MARK4: variants seen among roughly 807,000 people sequenced by gnomAD.
MARK4 encodes the protein MAP/microtubule affinity-regulating kinase 4.
Under a neutral mutation model 81.5 loss-of-function variants are expected in MARK4, and 19 were observed. That is an observed-to-expected ratio of 0.23 (90% confidence interval 0.16 to 0.34). MARK4 has a LOEUF of 0.34. MARK4 is among the 10% of genes least tolerant of loss of function. The probability of loss-of-function intolerance (pLI) is 1.00; values close to 1 mark genes in which losing one functional copy is unlikely to be tolerated. For synonymous variants in MARK4, 436 were observed against 439.0 expected (o/e 0.99, Z 0.08); for missense variants, 772 against 1,058.8 (o/e 0.73, Z 3.76).
At chr19:45,252,631 C>T (rs1322351448) in intron 1 of MARK4, among the ~76,000 whole-genome samples, 1 of 152,108 alleles carries the variant, frequency 6.6e-6, no homozygotes, top group Non-Finnish European at 1.5e-5. Context: ...GCTTCAGAGG[C>T]CTTCCTCAGC....
chr19:45,258,178 G>A (rs1199320881), intron 1 of MARK4, among the ~76,000 whole-genome samples: 2 of 151,036 alleles, frequency 1.3e-5, no homozygotes, highest in Non-Finnish European at 3.0e-5. Flanking sequence ...TAGAGATGGG[G>A]TTTTCACCAT....
Position 45,302,755 on chromosome 19 carries a change from C to T in MARK4, c.*45C>T. ...CCTTACTCTTCCTCTCCCTTGTCGC[C>T]TTCACTTCTACAGGAGGGGAAGGGG... On this transcript the variant is annotated 3_prime_UTR_variant, in exon 17 of 17. Coordinates refer to ENST00000262891, the MANE Select transcript of MARK4 (RefSeq NM_001199867.2). This position sits in a 1 kb window ranked among gnomAD's most constrained non-coding sequence, Gnocchi z 4.9. 1 of 1,533,292 alleles carries T rather than the reference C, an allele frequency of 6.5e-7. No homozygotes were observed. The highest frequency in any genetic ancestry group is 8.7e-7 in the Non-Finnish European group (1 of 1,145,632). The allele number at this position is 1,533,292 out of a possible 1,614,324, so 95.0% of individuals were successfully genotyped here.
chr19:45,282,442 A>G (rs1395348220), intron 12 of MARK4, among the ~76,000 whole-genome samples: 2 of 152,114 alleles, frequency 1.3e-5, no homozygotes, highest in African/African-American at 4.8e-5. Flanking sequence ...CTGTAATCCC[A>G]GCACTTTGGG....
chr19:45,253,686 T>TGCC (rs1252954202), intron 1 of MARK4, among the ~76,000 whole-genome samples: 1 of 152,176 alleles, frequency 6.6e-6, no homozygotes, highest in Non-Finnish European at 1.5e-5. Context: ...ATCGGGTTGA[T>TGCC]GATGGCCCCC....
chr19:45,253,698 A>G (rs375999595), intron 1 of MARK4, among the ~76,000 whole-genome samples: 1 of 152,034 alleles, frequency 6.6e-6, no homozygotes, highest in East Asian at 1.9e-4. Context: ...ATGGCCCCCC[A>G]CTGTTAGGGA....
At chr19:45,270,622 C>A (rs1016724637) in intron 7 of MARK4, among the ~76,000 whole-genome samples, 1 of 152,004 alleles carries the variant, frequency 6.6e-6, no homozygotes, top group Non-Finnish European at 1.5e-5. Context: ...TTTTTTGAGA[C>A]AAGTTCTCAC....
At chr19:45,260,829 T>G (rs1259105895) in intron 2 of MARK4, among the ~76,000 whole-genome samples, 4 of 152,104 alleles carry the variant, frequency 2.6e-5, no homozygotes. Flanking sequence ...ACACAGCAGG[T>G]TTATTTATGT....
intron 1 of MARK4, among the ~76,000 whole-genome samples, chr19:45,255,559 C>CA (rs34066317): frequency 0.093 from 8,138 of 87,434 alleles, 234 homozygotes; most frequent in East Asian, 0.14. Context: ...GAAACTCTGC[C>CA]AAAAAAAAAA....
At chr19:45,299,886 C>T in intron 16 of MARK4, 31 bp downstream of exon 16, 1 of 1,580,026 alleles carries the variant, frequency 6.3e-7, no homozygotes, top group Non-Finnish European at 8.6e-7. Flanking sequence ...CTGACTGCCA[C>T]TTCCCCTCTC....
intron 13 of MARK4, among the ~76,000 whole-genome samples, chr19:45,290,002 A>AGGGAGGAGGATCACTTGAGTCC (rs1970800489): frequency 6.6e-6 from 1 of 151,726 alleles, no homozygotes; most frequent in Admixed American, 6.6e-5. Context: ...TGGGAGGCTG[A>AGGGAGGAGGATCACTTGAGTCC]GGGAGGAGGA....
chr19:45,269,699 T>C (rs1479051351), intron 7 of MARK4, among the ~76,000 whole-genome samples: 3 of 152,156 alleles, frequency 2.0e-5, no homozygotes, highest in Non-Finnish European at 2.9e-5. Flanking sequence ...ACGGGTGGCC[T>C]TGTTTAGATT....
intron 12 of MARK4, among the ~76,000 whole-genome samples, chr19:45,282,186 G>A (rs1446408958): frequency 6.7e-6 from 1 of 149,364 alleles, no homozygotes; most frequent in Non-Finnish European, 1.5e-5. Context: ...TCATGCCATT[G>A]CACACCAGCC....
At chr19:45,285,012 A>G (rs1210607038) in intron 12 of MARK4, among the ~76,000 whole-genome samples, 2 of 151,872 alleles carry the variant, frequency 1.3e-5, no homozygotes, top group Non-Finnish European at 2.9e-5. Flanking sequence ...AATTGCTGGA[A>G]CCCGGGAGGC....
intron 8 of MARK4, among the ~76,000 whole-genome samples, chr19:45,274,383 C>T (rs1970572349): frequency 6.6e-6 from 1 of 152,146 alleles, no homozygotes; most frequent in South Asian, 2.1e-4. Context: ...GTAATCTCAG[C>T]ACTTTGGGAG....
intron 1 of MARK4, among the ~76,000 whole-genome samples, chr19:45,252,597 C>A (rs897560046): frequency 1.3e-5 from 2 of 151,862 alleles, no homozygotes; most frequent in African/African-American, 2.4e-5. Context: ...GGGAGTCTGG[C>A]CTTCCAAGGA....
chr19:45,286,916 G>T lies in MARK4; in HGVS notation c.1277-531G>T, dbSNP rs144008967. On this transcript the variant is annotated intron_variant, in intron 12 of 16. Coordinates refer to ENST00000262891, the MANE Select transcript of MARK4 (RefSeq NM_001199867.2). Reference sequence around the variant, plus strand: ...CCTTTTCTACTTTCCAGTCCGTCATGAAGATCATTCTGTACTGGTGCATAA... The same window carrying T: ...CCTTTTCTACTTTCCAGTCCGTCATTAAGATCATTCTGTACTGGTGCATAA... 4.7e-3 allele frequency among the ~76,000 whole-genome samples: 716 copies of T among 152,186 alleles called. 8 individuals carry two copies. Among genetic ancestry groups the T allele is most frequent in the African/African-American group, 0.016 (644 of 41,520 alleles).
chr19:45,273,527 G>A (rs1463667980), intron 8 of MARK4, among the ~76,000 whole-genome samples: 2 of 151,896 alleles, frequency 1.3e-5, no homozygotes, highest in Non-Finnish European at 2.9e-5. Context: ...TTTCCCAGTC[G>A]GGGATCCACT....
intron 16 of MARK4, among the ~76,000 whole-genome samples, chr19:45,300,343 T>TAAAA (rs1970951426): frequency 4.9e-4 from 2 of 4,046 alleles, no homozygotes; most frequent in Non-Finnish European, 9.8e-4. Context: ...AAACTCCGTC[T>TAAAA]GAAAAAAAAA....
At chr19:45,262,180 G>A (rs1399775764) in intron 2 of MARK4, among the ~76,000 whole-genome samples, 1 of 152,094 alleles carries the variant, frequency 6.6e-6, no homozygotes, top group Non-Finnish European at 1.5e-5. Flanking sequence ...AATCCTGTTA[G>A]CCAAATGTTG....
Sources: gnomAD v4.1 joint callset for allele counts (sites outside exome capture counted in the v4.1 genomes callset) on GRCh38, gnomAD v4.1.1 for gene constraint, Gnocchi (gnomAD v3.1) non-coding constraint, MANE v1.5 for transcripts, NCBI Gene and HGNC (gene_info 2026-07-23, HGNC 2026-07-21) for gene names.